Variants in SIRPB2 observed in about 807,000 individuals in gnomAD.
SIRPB2 encodes the protein signal regulatory protein beta 2, also known as signal-regulatory protein beta-2.
In SIRPB2, 18 loss-of-function variants were observed where a neutral mutation model predicts 27.1. The ratio of observed to expected loss-of-function variants is 0.66; its 90% CI spans 0.46 to 0.98. SIRPB2 has a LOEUF of 0.98. SIRPB2 is among the 50% of genes least tolerant of loss of function. The probability of loss-of-function intolerance (pLI) is 0.00; values close to 1 mark genes in which losing one functional copy is unlikely to be tolerated. For missense variants in SIRPB2, 420 were observed against 417.4 expected, an observed-to-expected ratio of 1.01 and a Z score of -0.06; for synonymous variants, 150 against 164.6, an observed-to-expected ratio of 0.91 and a Z score of 0.68.
intron 4 of SIRPB2, 57 bp from the exon 5 acceptor site, chr20:1,476,393 C>T (rs1006367288): frequency 4.6e-6 from 7 of 1,533,862 alleles, no homozygotes; most frequent in East Asian, 2.3e-5. Flanking sequence ...CCACAGCCCA[C>T]GCCTCATTGC....
At chr20:1,476,363 C>T (rs774666447) in intron 4 of SIRPB2, 27 bp from the exon 5 acceptor site, 96 of 1,596,288 alleles carry the variant, frequency 6.0e-5, no homozygotes, top group East Asian at 9.0e-5. Context: ...AGAGCTCAGG[C>T]GGGACCCGTG....
intron 1 of SIRPB2, 27 bp from the exon 2 acceptor site, chr20:1,480,092 A>T: frequency 6.3e-7 from 1 of 1,576,258 alleles, no homozygotes; most frequent in Non-Finnish European, 8.6e-7. Context: ...AAGACCTTGC[A>T]CTGGGCAGGA....
intron 1 of SIRPB2, among the ~76,000 whole-genome samples, chr20:1,486,965 G>C (rs1427567101): frequency 2.6e-5 from 4 of 152,006 alleles, no homozygotes; most frequent in Non-Finnish European, 4.4e-5. Flanking sequence ...CAATTTTGTA[G>C]GATAGGTACT....
chr20:1,478,547 GT>G lies in SIRPB2; in HGVS notation c.511del (p.Thr171ProfsTer8). The part of the protein sequence containing the change: ...IIQPQELVLG[T>X]TGDTVFLNCT... ...GTTCAGAAAGACAGTGTCTCCAGTG[GT>G]CCCCAACACCAATTCCTGGGGCTGG... On this transcript the variant is annotated frameshift_variant, in exon 3 of 5. Coordinates refer to ENST00000359801, the MANE Select transcript of SIRPB2 (RefSeq NM_001122962.2). LOFTEE classifies it high-confidence loss of function. 6.2e-7 allele frequency: 1 copy of G among 1,611,944 alleles called. No homozygotes were observed. Among genetic ancestry groups the G allele is most frequent in the Non-Finnish European group, 8.5e-7 (1 of 1,178,526 alleles).
chr20:1,491,368 C>A lies in SIRPB2; in HGVS notation c.-9G>T. ...GACATCGTGGAGCACATGGCATCTT[C>A]TGTGGTCCCCAAGACTTGGGGCTCC... On this transcript the variant is annotated 5_prime_UTR_variant, in exon 1 of 5. Transcript: ENST00000359801. 1 of 1,604,916 alleles carries A rather than the reference C, an allele frequency of 6.2e-7. No individual in the cohort carries two copies. The highest frequency in any genetic ancestry group is 1.1e-5 in the South Asian group (1 of 89,258).
chr20:1,479,753 A>T lies in SIRPB2; in HGVS notation c.398T>A (p.Leu133Ter). The T allele has an allele frequency of 6.2e-7, 1 of 1,614,210 alleles. No homozygotes were observed. Among genetic ancestry groups the T allele is most frequent in the Non-Finnish European group, 8.5e-7 (1 of 1,180,028 alleles). Residue 133 changes from leucine to a stop codon, truncating the protein, a stop_gained, in exon 2 of 5, where the codon TTG (leucine) becomes TAG (stop). Transcript: ENST00000359801. LOFTEE classifies it high-confidence loss of function. ...CGATTTCATTTCTGAGTGTTCACTCAAACCATCAAACCTCACACAGTGGTA... is the reference window on the plus strand; with the variant it reads ...CGATTTCATTTCTGAGTGTTCACTCTAACCATCAAACCTCACACAGTGGTA... ...GTYHCVRFDG[L>*]SEHSEMKSDE...
At chr20:1,485,371 G>A (rs912352538) in intron 1 of SIRPB2, among the ~76,000 whole-genome samples, 4 of 151,984 alleles carry the variant, frequency 2.6e-5, no homozygotes, top group Non-Finnish European at 4.4e-5. Flanking sequence ...ATGTACAAAT[G>A]TTATGTATCG....
chr20:1,485,672 C>CACACACAG (rs1309151106), intron 1 of SIRPB2, among the ~76,000 whole-genome samples: 46 of 151,086 alleles, frequency 3.0e-4, no homozygotes, highest in African/African-American at 1.1e-3. Context: ...CACACACACA[C>CACACACAG]AGAAAAAATC....
rs1211663719 is a variant in SIRPB2 at position 1,479,450 on chromosome 20, G to GGCTTCT, written c.451+244_451+249dup. ...AGGTGTACTTGAAGAGTTGGGACTGGGCTTCTGCTTCTGCCATCTTTATGA... is the reference window on the plus strand; with the variant it reads ...AGGTGTACTTGAAGAGTTGGGACTGGGCTTCTGCTTCTGCTTCTGCCATCTTTATGA... On this transcript the variant is annotated intron_variant, in intron 2 of 4. Transcript: ENST00000359801. 7 of 553,786 alleles carry GGCTTCT rather than the reference G, an allele frequency of 1.3e-5. No individual in the cohort carries two copies. In the Admixed American group the frequency reaches 1.3e-4, roughly 10 times the overall value. 34.3% of individuals were successfully genotyped at this position (553,786 alleles called of 1,614,324 possible).
intron 1 of SIRPB2, among the ~76,000 whole-genome samples, chr20:1,481,164 C>T (rs1322044261): frequency 1.3e-5 from 2 of 152,058 alleles, no homozygotes; most frequent in African/African-American, 2.4e-5. Context: ...AAAACTTCCC[C>T]ATTTATTATT....
chr20:1,484,599 G>A (rs981615252), intron 1 of SIRPB2, among the ~76,000 whole-genome samples: 1 of 151,828 alleles, frequency 6.6e-6, no homozygotes, highest in African/African-American at 2.4e-5. Context: ...ATGAAAAAAT[G>A]CTCAACATTA....
chr20:1,478,002 A>G, intron 3 of SIRPB2: 1 of 607,642 alleles, frequency 1.6e-6, no homozygotes. Flanking sequence ...AATGATCTAT[A>G]CAGAGTTCTG....
chr20:1,477,309 A>G (rs2090616333), intron 4 of SIRPB2, 29 bp downstream of exon 4: 3 of 1,614,054 alleles, frequency 1.9e-6, no homozygotes, highest in Non-Finnish European at 2.5e-6. Context: ...TGGGGGACTC[A>G]TTGACTCCAC....
At chr20:1,486,888 G>GCAAA (rs2090732471) in intron 1 of SIRPB2, among the ~76,000 whole-genome samples, 1 of 152,266 alleles carries the variant, frequency 6.6e-6, no homozygotes, top group East Asian at 1.9e-4. Context: ...GCTTAGTGGT[G>GCAAA]CAAAAATCAA....
At chr20:1,484,932 T>G (rs1050501205) in intron 1 of SIRPB2, among the ~76,000 whole-genome samples, 1 of 152,126 alleles carries the variant, frequency 6.6e-6, no homozygotes, top group African/African-American at 2.4e-5. Flanking sequence ...ATTCTGTCAT[T>G]CGTAGCAACA....
At position 1,491,343 on chromosome 20, in the gene SIRPB2, G is replaced by A. The variant is rs544111398; in HGVS notation, c.17C>T (p.Ser6Leu). 5 of 1,609,514 alleles carry A rather than the reference G, an allele frequency of 3.1e-6. No individual in the cohort carries two copies. Among genetic ancestry groups the A allele is most frequent in the Admixed American group, 3.4e-5 (2 of 59,522 alleles). Residue 6 changes from serine (S) to leucine (L), a missense_variant, in exon 1 of 5, where the codon TCG becomes TTG. By Grantham distance (145) the Ser-to-Leu change is moderately radical. Transcript: ENST00000359801. ...CAAGTGGGCCAGGCAGGTGGGGGCC[G>A]ACATCGTGGAGCACATGGCATCTTC... MCSTM[S>L]APTCLAHLPP...
At chr20:1,477,769 A>G (rs1014388611) in intron 3 of SIRPB2, among the ~76,000 whole-genome samples, 9 of 152,176 alleles carry the variant, frequency 5.9e-5, no homozygotes, top group African/African-American at 2.2e-4. Flanking sequence ...TCCGCCTCCC[A>G]GGTTCAAGAG....
At chr20:1,485,371 G>C (rs912352538) in intron 1 of SIRPB2, among the ~76,000 whole-genome samples, 1 of 151,984 alleles carries the variant, frequency 6.6e-6, no homozygotes, top group Non-Finnish European at 1.5e-5. Flanking sequence ...ATGTACAAAT[G>C]TTATGTATCG....
intron 1 of SIRPB2, among the ~76,000 whole-genome samples, chr20:1,489,982 C>A (rs927311480): frequency 6.6e-6 from 1 of 152,202 alleles, no homozygotes; most frequent in African/African-American, 2.4e-5. Flanking sequence ...ACCCAAGAAC[C>A]AGCCCTGACT....
Sources: gnomAD v4.1 joint callset for allele counts (sites outside exome capture counted in the v4.1 genomes callset) on GRCh38, gnomAD v4.1.1 for gene constraint, MANE v1.5 for transcripts, NCBI Gene and HGNC (gene_info 2026-07-23, HGNC 2026-07-21) for gene names.